ASB3: variants seen among roughly 807,000 people sequenced by gnomAD.
ASB3 encodes ankyrin repeat and SOCS box containing 3.
Under a neutral mutation model 54.5 loss-of-function variants are expected in ASB3, and 41 were observed. That is an observed-to-expected ratio of 0.75 (90% CI 0.59 to 0.98). The LOEUF is 0.98. Among genes scored for constraint, ASB3 ranks in the 50% least tolerant of loss-of-function variants. The probability of loss-of-function intolerance (pLI) is 0.00; values close to 1 mark genes in which losing one functional copy is unlikely to be tolerated. For synonymous variants in ASB3, 266 were observed against 221.2 expected, an observed-to-expected ratio of 1.20 and a Z score of -1.80; for missense variants, 733 against 620.0, an observed-to-expected ratio of 1.18 and a Z score of -1.94.
chr2:53,697,080 G>A (rs974768467), intron 8 of ASB3, among the ~76,000 whole-genome samples: 1 of 152,146 alleles, frequency 6.6e-6, no homozygotes, highest in African/African-American at 2.4e-5. Context: ...TAAAGAAGCT[G>A]GCCAAACCCC....
rs774641511 is a variant in ASB3, at chr2:53,729,523, C to T, written c.403G>A (p.Gly135Arg). The T allele has an allele frequency of 2.9e-5, 46 of 1,613,758 alleles. No homozygotes were observed. The highest frequency in any genetic ancestry group is 9.9e-5 in the South Asian group (9 of 91,076). ...IDVLRLLLQH[G>R]ANVNGSHSMC... ...GAATGGGATCCATTAACATTTGCTC[C>T]GTGTTGAAGCAACAGCCTTAACACA... is the stretch of plus-strand genomic sequence containing the variant. The change falls in exon 4 of 10, where the codon GGA becomes AGA. Residue 135 changes from glycine to arginine, a missense_variant. Physicochemically the swap from Gly to Arg is moderately radical, Grantham distance 125 (BLOSUM62 -2). Coordinates refer to ENST00000263634, the MANE Select transcript of ASB3 (RefSeq NM_016115.5).
intron 9 of ASB3, among the ~76,000 whole-genome samples, chr2:53,671,559 A>C (rs534724200): frequency 6.6e-6 from 1 of 152,204 alleles, no homozygotes; most frequent in Non-Finnish European, 1.5e-5. Flanking sequence ...CAGGAGTTCA[A>C]AACCAGCCTG....
chr2:53,686,355 T>G (rs1454316403), intron 9 of ASB3, among the ~76,000 whole-genome samples: 1 of 152,138 alleles, frequency 6.6e-6, no homozygotes, highest in African/African-American at 2.4e-5. Context: ...ATTAACCCCT[T>G]AACAATTTTT....
At chr2:53,721,123 T>TATAAATAAATAAATAAATAA (rs35978677) in intron 5 of ASB3, among the ~76,000 whole-genome samples, 1 of 141,370 alleles carries the variant, frequency 7.1e-6, no homozygotes, top group Non-Finnish European at 1.5e-5. Flanking sequence ...TCTCCAGAAA[T>TATAAATAAATAAATAAATAA]ATAAATAAAT....
At chr2:53,786,251 C>G (rs1674988989) in intron 1 of ASB3, 2 of 152,314 alleles carry the variant, frequency 1.3e-5, no homozygotes, top group South Asian at 4.2e-4. Flanking sequence ...CACACACATT[C>G]ATCTGGCGCT....
chr2:53,719,151 T>C lies in ASB3; in HGVS notation c.605-2408A>G, dbSNP rs183652205. ...TGTTGGCCAGGATGGTCTTGATCTC[T>C]TGACCTCGTGATCCACCCACCTCGG... On this transcript the variant is annotated intron_variant, in intron 5 of 9. Transcript: ENST00000263634. 1.4e-4 allele frequency among the ~76,000 whole-genome samples: 21 copies of C among 152,184 alleles called. No homozygotes were observed. The East Asian group carries it at 3.5e-3, about 25-fold the overall frequency.
intron 1 of ASB3, among the ~76,000 whole-genome samples, chr2:53,785,428 A>C (rs1217347609): frequency 8.4e-6 from 1 of 119,018 alleles, no homozygotes; most frequent in African/African-American, 3.0e-5. Context: ...GCACAGAATA[A>C]ATGCTAAAAA....
In ASB3 at chr2:53,763,582, A is replaced by G. The variant is rs564238032; in HGVS notation, c.196+1795T>C. 4 of 169,492 alleles carry G rather than the reference A, an allele frequency of 2.4e-5. No individual in the cohort carries two copies. In the East Asian group the frequency reaches 5.8e-4, roughly 25 times the overall value. The allele number at this position is 169,492 out of a possible 1,614,324, so 10.5% of individuals were successfully genotyped here. ...GGTGTCCGTGGACATTTTGGGACCA[A>G]TTCCCTGTGGATATGGCAGGACAAC... On this transcript the variant is annotated intron_variant, in intron 2 of 9. Transcript: ENST00000263634.
At chr2:53,699,398 C>T (rs1055850662) in intron 8 of ASB3, among the ~76,000 whole-genome samples, 1 of 152,044 alleles carries the variant, frequency 6.6e-6, no homozygotes, top group African/African-American at 2.4e-5. Flanking sequence ...AATTAGAAAC[C>T]AGAAAGGAGC....
intron 5 of ASB3, among the ~76,000 whole-genome samples, chr2:53,727,018 G>C (rs1671037900): frequency 1.3e-5 from 2 of 152,118 alleles, no homozygotes; most frequent in Admixed American, 6.6e-5. Flanking sequence ...GTCATTAACT[G>C]AATTAGGATA....
chr2:53,708,106 G>C (rs1044090328), intron 7 of ASB3, among the ~76,000 whole-genome samples: 5 of 152,276 alleles, frequency 3.3e-5, no homozygotes, highest in African/African-American at 1.2e-4. Context: ...CCCCAGTGTT[G>C]AAGGTGGGGC....
intron 9 of ASB3, among the ~76,000 whole-genome samples, chr2:53,673,399 G>A (rs1489575802): frequency 6.6e-6 from 1 of 152,128 alleles, no homozygotes; most frequent in Non-Finnish European, 1.5e-5. Flanking sequence ...AAATTCTATG[G>A]GCTGACTGGG....
intron 2 of ASB3, among the ~76,000 whole-genome samples, chr2:53,757,582 G>C (rs181733820): frequency 6.6e-6 from 1 of 152,150 alleles, no homozygotes; most frequent in African/African-American, 2.4e-5. Context: ...TGCCTCCTAG[G>C]TACTAATGGT....
intron 5 of ASB3, among the ~76,000 whole-genome samples, chr2:53,727,808 C>G (rs1036763074): frequency 1.3e-5 from 2 of 152,146 alleles, no homozygotes; most frequent in Admixed American, 6.5e-5. Context: ...TCACTGCAAC[C>G]TCTGCCTCCC....
intron 7 of ASB3, among the ~76,000 whole-genome samples, chr2:53,711,054 C>A (rs1266972546): frequency 6.6e-6 from 1 of 152,072 alleles, no homozygotes; most frequent in Non-Finnish European, 1.5e-5. Context: ...TGCCTGAGCC[C>A]AGGGAAGTCG....
At chr2:53,739,005 T>C (rs1228249233) in intron 3 of ASB3, among the ~76,000 whole-genome samples, 1 of 152,194 alleles carries the variant, frequency 6.6e-6, no homozygotes, top group Non-Finnish European at 1.5e-5. Flanking sequence ...GTAGGAACAC[T>C]GCTTTTCCCA....
At chr2:53,711,556 C>T (rs1670098082) in intron 7 of ASB3, among the ~76,000 whole-genome samples, 1 of 152,144 alleles carries the variant, frequency 6.6e-6, no homozygotes, top group African/African-American at 2.4e-5. Flanking sequence ...AGGCAGATCA[C>T]TTGAGGTCAG....
At chr2:53,782,632 C>G (rs1267969367) in intron 1 of ASB3, among the ~76,000 whole-genome samples, 1 of 152,110 alleles carries the variant, frequency 6.6e-6, no homozygotes, top group Non-Finnish European at 1.5e-5. Context: ...ACCCTGGAAG[C>G]CTTTGAGCAT....
intron 3 of ASB3, among the ~76,000 whole-genome samples, chr2:53,741,135 A>G (rs1473650622): frequency 6.6e-6 from 1 of 152,226 alleles, no homozygotes; most frequent in Non-Finnish European, 1.5e-5. Flanking sequence ...GAAAAAGTGT[A>G]TGGACAGACT....
Sources: gnomAD v4.1 joint callset for allele counts (sites outside exome capture counted in the v4.1 genomes callset) on GRCh38, gnomAD v4.1.1 for gene constraint, MANE v1.5 for transcripts, NCBI Gene and HGNC (gene_info 2026-07-23, HGNC 2026-07-21) for gene names.